Variants in AMBRA1 observed in about 807,000 individuals in gnomAD.
AMBRA1 encodes the protein autophagy and beclin 1 regulator 1.
In AMBRA1, 47 loss-of-function variants were observed where a neutral mutation model predicts 125.4. That is an observed-to-expected ratio of 0.37 (90% confidence interval 0.30 to 0.48). The LOEUF is 0.48. Ranked by LOEUF, AMBRA1 falls within the 20% of genes least tolerant of loss-of-function variation. The probability of loss-of-function intolerance (pLI) is 0.99; values close to 1 mark genes in which losing one functional copy is unlikely to be tolerated. For synonymous variants in AMBRA1, 626 were observed against 655.5 expected, an observed-to-expected ratio of 0.95 and a Z score of 0.69; for missense variants, 1,331 against 1,693.4, an observed-to-expected ratio of 0.79 and a Z score of 3.76.
At chr11:46,444,603 C>T (rs1202838942) in intron 11 of AMBRA1, among the ~76,000 whole-genome samples, 1 of 152,170 alleles carries the variant, frequency 6.6e-6, no homozygotes, top group Admixed American at 6.5e-5. Flanking sequence ...CTGTGAAAAA[C>T]TGAACTTGTT....
chr11:46,447,597 C>T (rs1490754616), intron 11 of AMBRA1, among the ~76,000 whole-genome samples: 1 of 152,082 alleles, frequency 6.6e-6, no homozygotes, highest in Admixed American at 6.6e-5. Flanking sequence ...CCTGTAGTCC[C>T]AGCTACCCAG....
intron 11 of AMBRA1, among the ~76,000 whole-genome samples, chr11:46,477,509 A>AG (rs1469973960): frequency 1.3e-5 from 2 of 151,730 alleles, no homozygotes; most frequent in Non-Finnish European, 2.9e-5. Context: ...GAAAAAAAAA[A>AG]AAAAAAACTT....
At chr11:46,589,995 T>C (rs1476809170) in intron 1 of AMBRA1, among the ~76,000 whole-genome samples, 1 of 152,092 alleles carries the variant, frequency 6.6e-6, no homozygotes, top group Non-Finnish European at 1.5e-5. Context: ...TTGATATTAA[T>C]AAGCACCATA....
chr11:46,537,277 ACTG>A (rs1952520345), intron 7 of AMBRA1, among the ~76,000 whole-genome samples: 1 of 152,224 alleles, frequency 6.6e-6, no homozygotes, highest in Non-Finnish European at 1.5e-5. Context: ...GACAAAGAAA[ACTG>A]CTGTTTGAAG....
At chr11:46,510,965 A>G (rs1335487709) in intron 8 of AMBRA1, among the ~76,000 whole-genome samples, 1 of 152,254 alleles carries the variant, frequency 6.6e-6, no homozygotes, top group Non-Finnish European at 1.5e-5. Flanking sequence ...GTTTTCTTCA[A>G]GGAAAAATAC....
Position 46,543,101 on chromosome 11 carries a change from C to T in AMBRA1, c.916G>A (p.Gly306Arg). 6.3e-7 allele frequency: 1 copy of T among 1,584,630 alleles called. No homozygotes were observed. Among genetic ancestry groups the T allele is most frequent in the Non-Finnish European group, 8.5e-7 (1 of 1,172,332 alleles). The change falls in exon 7 of 18, where the codon GGG becomes AGG. Residue 306 changes from glycine (G) to arginine (R), a missense_variant. Transcript: ENST00000683756. Reference sequence around the variant, plus strand: ...CAGCGGCTGCAAAGGCACAGGATCCCAAGGTGCTGGCAGCACTCAGCTGTG... The same window carrying T: ...CAGCGGCTGCAAAGGCACAGGATCCTAAGGTGCTGGCAGCACTCAGCTGTG... ...YPTAECCQHLGILCLCSRCSG... is the reference protein window; with the variant it reads ...YPTAECCQHLRILCLCSRCSG...
intron 1 of AMBRA1, among the ~76,000 whole-genome samples, chr11:46,581,215 G>A (rs2044156390): frequency 6.6e-6 from 1 of 152,134 alleles, no homozygotes; most frequent in Admixed American, 6.6e-5. Flanking sequence ...GCTCACACCT[G>A]TAATCCCGGG....
intron 1 of AMBRA1, among the ~76,000 whole-genome samples, chr11:46,587,016 T>A (rs1365124813): frequency 6.6e-6 from 1 of 152,208 alleles, no homozygotes; most frequent in Non-Finnish European, 1.5e-5. Flanking sequence ...ATACCTGTGA[T>A]CTATTCTAGA....
chr11:46,542,431 T>C lies in AMBRA1; in HGVS notation c.1586A>G (p.Gln529Arg). 1 of 1,614,094 alleles carries C rather than the reference T, an allele frequency of 6.2e-7. No homozygotes were observed. The highest frequency in any genetic ancestry group is 8.5e-7 in the Non-Finnish European group (1 of 1,180,026). The change falls in exon 7 of 18, where the codon CAG becomes CGG. Residue 529 changes from glutamine (Q) to arginine (R), a missense_variant. Gln to Arg is a conservative substitution (Grantham distance 43). Coordinates refer to ENST00000683756, the MANE Select transcript of AMBRA1 (RefSeq NM_001387011.1). This position sits in a 1 kb window ranked among gnomAD's most constrained non-coding sequence, Gnocchi z 5.9. ...SLSGEAPQTQ[Q>R]AQEMLNNNIE... is the part of the protein sequence containing the mutation. ...GTTATTGTTGAGCATTTCCTGGGCC[T>C]GTTGGGTCTGGGGAGCTTCCCCACT... is the stretch of plus-strand genomic sequence containing the variant.
intron 9 of AMBRA1, among the ~76,000 whole-genome samples, chr11:46,501,325 C>T (rs1950828617): frequency 6.6e-6 from 1 of 152,188 alleles, no homozygotes; most frequent in Non-Finnish European, 1.5e-5. Context: ...ACTGGCATGC[C>T]TAGACTACCT....
chr11:46,498,885 A>G (rs1162386854), intron 9 of AMBRA1, among the ~76,000 whole-genome samples: 1 of 152,196 alleles, frequency 6.6e-6, no homozygotes, highest in Non-Finnish European at 1.5e-5. Context: ...CAATCTCCAG[A>G]CAACAGAAGG....
At chr11:46,517,349 T>G (rs549263506) in intron 7 of AMBRA1, among the ~76,000 whole-genome samples, 4 of 151,122 alleles carry the variant, frequency 2.6e-5, no homozygotes, top group Non-Finnish European at 5.9e-5. Flanking sequence ...GGTTGCACCA[T>G]GTTGGCTGGA....
In AMBRA1 at chr11:46,542,142, T is replaced by C. The variant is rs549468592; in HGVS notation, c.1875A>G (p.Gln625=). 17 of 1,614,078 alleles carry C rather than the reference T, an allele frequency of 1.1e-5. No homozygotes were observed. The African/African-American group carries it at 2.1e-4, about 20-fold the overall frequency. ...ACTCCAGCCTGCTGGAGCTGGGCGT[T>C]TGGCCCTCAGTCCGCTCGAGAGGTG... ...QLPPLERTEG[Q]TPSSSRLELS... is the part of the protein sequence containing the mutation. The change falls in exon 7 of 18, where the codon CAA becomes CAG. Residue 625 remains glutamine, a synonymous_variant. Coordinates refer to ENST00000683756, the MANE Select transcript of AMBRA1 (RefSeq NM_001387011.1). This position sits in a 1 kb window ranked among gnomAD's most constrained non-coding sequence, Gnocchi z 5.9.
At chr11:46,578,980 G>A (rs1484455254) in intron 1 of AMBRA1, among the ~76,000 whole-genome samples, 1 of 119,728 alleles carries the variant, frequency 8.4e-6, no homozygotes, top group Admixed American at 9.2e-5. Context: ...ACAAGTGAAT[G>A]AATAAAGAGG....
intron 14 of AMBRA1, among the ~76,000 whole-genome samples, chr11:46,424,513 T>TA (rs1947018013): frequency 6.6e-6 from 1 of 152,186 alleles, no homozygotes; most frequent in Non-Finnish European, 1.5e-5. Context: ...ACTTCTGTGC[T>TA]AAAAGAAATA....
intron 1 of AMBRA1, among the ~76,000 whole-genome samples, chr11:46,552,976 C>T (rs1372872302): frequency 3.3e-5 from 5 of 151,756 alleles, no homozygotes; most frequent in African/African-American, 9.7e-5. Flanking sequence ...GACAGAGTCT[C>T]GCTCCGTCAC....
chr11:46,547,074 G>A (rs1384136935), intron 4 of AMBRA1, 39 bp downstream of exon 4: 1 of 1,542,418 alleles, frequency 6.5e-7, no homozygotes, highest in Non-Finnish European at 8.7e-7. Context: ...AAAAAAATTA[G>A]AACACCAAAA....
chr11:46,571,692 T>C (rs886916784), intron 1 of AMBRA1, among the ~76,000 whole-genome samples: 1 of 116,862 alleles, frequency 8.6e-6, no homozygotes, highest in Admixed American at 9.6e-5. Flanking sequence ...TCAATCTTTT[T>C]TTTTTTTTTT....
rs527501787 is a variant in AMBRA1 at position 46,548,384 on chromosome 11, G to A, written c.-4C>T. 1.4e-5 allele frequency: 22 copies of A among 1,613,418 alleles called. No homozygotes were observed. In the Admixed American group the frequency reaches 1.7e-4, roughly 12 times the overall value. ...TCTTTTCTGGGACAACCTTCATGGCGCTCAGTAGCCACTGTCACACCAGGC... is the reference window on the plus strand; with the variant it reads ...TCTTTTCTGGGACAACCTTCATGGCACTCAGTAGCCACTGTCACACCAGGC... On this transcript the variant is annotated 5_prime_UTR_variant, in exon 2 of 18. Coordinates refer to ENST00000683756, the MANE Select transcript of AMBRA1 (RefSeq NM_001387011.1).
Sources: gnomAD v4.1 joint callset for allele counts (sites outside exome capture counted in the v4.1 genomes callset) on GRCh38, gnomAD v4.1.1 for gene constraint, Gnocchi (gnomAD v3.1) non-coding constraint, MANE v1.5 for transcripts, NCBI Gene and HGNC (gene_info 2026-07-23, HGNC 2026-07-21) for gene names.